JAZF1: variants seen among roughly 807,000 people sequenced by gnomAD.
The protein encoded by JAZF1 is juxtaposed with another zinc finger protein 1.
Under a neutral mutation model 26.4 loss-of-function variants are expected in JAZF1, and 8 were observed. The observed-to-expected ratio is 0.30, with a 90% confidence interval of 0.18 to 0.55. The LOEUF (loss-of-function observed/expected upper bound fraction) is 0.55. Among genes scored for constraint, JAZF1 ranks in the 20% least tolerant of loss-of-function variants. JAZF1 has a pLI of 0.94. For missense variants in JAZF1, 199 were observed against 322.0 expected, an observed-to-expected ratio of 0.62 and a Z score of 2.92; for synonymous variants, 126 against 122.3, an observed-to-expected ratio of 1.03 and a Z score of -0.20.
At chr7:27,921,211 G>A (rs543982375) in intron 2 of JAZF1, among the ~76,000 whole-genome samples, 1 of 152,328 alleles carries the variant, frequency 6.6e-6, no homozygotes, top group African/African-American at 2.4e-5. Context: ...CTCATGGTTG[G>A]TGGAAAACTC....
rs141502795 is a variant in JAZF1, at chr7:28,077,146, C to T, written c.116-85165G>A. On this transcript the variant is annotated intron_variant, in intron 1 of 4. Coordinates refer to ENST00000283928, the MANE Select transcript of JAZF1 (RefSeq NM_175061.4). ...TGAATGAAAAATTATAACACCGGCA[C>T]TTTACAATGGGAATGCTGACTAAAT... Among the ~76,000 whole-genome samples, 474 of 152,278 alleles carry T rather than the reference C, an allele frequency of 3.1e-3. 1 individual carries two copies. The highest frequency in any genetic ancestry group is 0.011 in the African/African-American group (449 of 41,552).
chr7:28,150,686 C>A (rs964839583), intron 1 of JAZF1, among the ~76,000 whole-genome samples: 1 of 152,166 alleles, frequency 6.6e-6, no homozygotes, highest in Admixed American at 6.5e-5. Flanking sequence ...AAGCCTCACA[C>A]GGGGGAGACA....
chr7:27,876,246 G>T (rs1023267390), intron 3 of JAZF1, among the ~76,000 whole-genome samples: 1 of 152,172 alleles, frequency 6.6e-6, no homozygotes, highest in Admixed American at 6.5e-5. Flanking sequence ...TCTTCAACCT[G>T]CTTCCAGAAC....
chr7:27,965,370 T>A (rs1247612585), intron 2 of JAZF1, among the ~76,000 whole-genome samples: 1 of 152,228 alleles, frequency 6.6e-6, no homozygotes, highest in African/African-American at 2.4e-5. Flanking sequence ...TATAGTCAAG[T>A]TGTCTCACAA....
chr7:27,930,833 T>A (rs75184211), intron 2 of JAZF1, among the ~76,000 whole-genome samples: 1,761 of 151,010 alleles, frequency 0.012, 16 homozygotes, highest in Non-Finnish European at 0.017. Context: ...CCATTTTTTT[T>A]AAAAAAAAAA....
intron 1 of JAZF1, among the ~76,000 whole-genome samples, chr7:28,123,362 C>T (rs1468627507): frequency 6.6e-6 from 1 of 152,198 alleles, no homozygotes; most frequent in Non-Finnish European, 1.5e-5. Flanking sequence ...GCAGGCCATG[C>T]CTTTCCTTTC....
intron 3 of JAZF1, among the ~76,000 whole-genome samples, chr7:27,882,501 T>C (rs1172638067): frequency 1.3e-5 from 2 of 152,238 alleles, no homozygotes; most frequent in East Asian, 3.9e-4. Context: ...TCTTTGTCCA[T>C]GGTCCCAGAA....
intron 1 of JAZF1, among the ~76,000 whole-genome samples, chr7:28,044,714 C>T (rs899891782): frequency 2.0e-5 from 3 of 152,094 alleles, no homozygotes; most frequent in Non-Finnish European, 4.4e-5. Context: ...TAATGAAAAA[C>T]GATGTCATTT....
At position 28,117,132 on chromosome 7, in the gene JAZF1, G is replaced by A. The variant is rs117862118; in HGVS notation, c.115+63331C>T. Among the ~76,000 whole-genome samples, 1,023 of 152,250 alleles carry A rather than the reference G, an allele frequency of 6.7e-3. 3 individuals carry two copies. The highest frequency in any genetic ancestry group is 0.01 in the Non-Finnish European group (714 of 68,016). Reference sequence around the variant, plus strand: ...ATTCATTTGTAGAAACTCTTTATATGGAGGTTAACTGTCCACTGCAAATAG... The same window carrying A: ...ATTCATTTGTAGAAACTCTTTATATAGAGGTTAACTGTCCACTGCAAATAG... On this transcript the variant is annotated intron_variant, in intron 1 of 4. Coordinates refer to ENST00000283928, the MANE Select transcript of JAZF1 (RefSeq NM_175061.4).
chr7:27,974,022 A>G (rs1321521173), intron 2 of JAZF1, among the ~76,000 whole-genome samples: 1 of 152,176 alleles, frequency 6.6e-6, no homozygotes, highest in Non-Finnish European at 1.5e-5. Flanking sequence ...GGGTGAGGAG[A>G]TGAGATGGTT....
intron 2 of JAZF1, among the ~76,000 whole-genome samples, chr7:27,987,305 C>T (rs550086192): frequency 2.4e-4 from 36 of 151,062 alleles, no homozygotes; most frequent in East Asian, 1.8e-3. Flanking sequence ...TGCCCGGCTG[C>T]GACCCCGTCT....
At chr7:28,142,917 T>G (rs1477957091) in intron 1 of JAZF1, among the ~76,000 whole-genome samples, 1 of 152,124 alleles carries the variant, frequency 6.6e-6, no homozygotes, top group Non-Finnish European at 1.5e-5. Flanking sequence ...GCCTAGAGCT[T>G]CTTCTGTGTT....
At chr7:27,901,321 T>C (rs1338722946) in intron 2 of JAZF1, among the ~76,000 whole-genome samples, 3 of 152,232 alleles carry the variant, frequency 2.0e-5, no homozygotes, top group African/African-American at 7.2e-5. Flanking sequence ...GACTCCATTA[T>C]AAATCTTTTA....
intron 3 of JAZF1, among the ~76,000 whole-genome samples, chr7:27,872,856 C>A (rs1212138017): frequency 6.6e-6 from 1 of 151,820 alleles, no homozygotes; most frequent in African/African-American, 2.4e-5. Flanking sequence ...TATCAGGAAA[C>A]AGGTCTGCAT....
intron 1 of JAZF1, among the ~76,000 whole-genome samples, chr7:28,123,602 T>C (rs1782639426): frequency 6.6e-6 from 1 of 152,256 alleles, no homozygotes; most frequent in South Asian, 2.1e-4. Flanking sequence ...ATGCCCATTG[T>C]GTGCTGGCCA....
intron 1 of JAZF1, among the ~76,000 whole-genome samples, chr7:28,042,800 CTAGAAGCAA>C (rs775637991): frequency 8.6e-5 from 13 of 151,994 alleles, no homozygotes; most frequent in Non-Finnish European, 1.6e-4. Context: ...GGTTTGTAGC[CTAGAAGCAA>C]TAGGCTATAG....
intron 1 of JAZF1, among the ~76,000 whole-genome samples, chr7:28,000,025 A>C (rs1160421844): frequency 6.6e-6 from 1 of 152,202 alleles, no homozygotes; most frequent in African/African-American, 2.4e-5. Flanking sequence ...CAGGTTTTGA[A>C]GGGAGTGAGC....
At chr7:27,867,910 G>A (rs1212116420) in intron 3 of JAZF1, among the ~76,000 whole-genome samples, 1 of 152,190 alleles carries the variant, frequency 6.6e-6, no homozygotes, top group African/African-American at 2.4e-5. Context: ...CAGTGACCCT[G>A]GCAATGCTTT....
intron 4 of JAZF1, among the ~76,000 whole-genome samples, chr7:27,839,784 G>A (rs1459881518): frequency 2.0e-5 from 3 of 152,154 alleles, no homozygotes; most frequent in Admixed American, 6.5e-5. Context: ...AGTGTTCAGA[G>A]ACACATATTT....
Sources: gnomAD v4.1 joint callset for allele counts (sites outside exome capture counted in the v4.1 genomes callset) on GRCh38, gnomAD v4.1.1 for gene constraint, MANE v1.5 for transcripts, NCBI Gene and HGNC (gene_info 2026-07-23, HGNC 2026-07-21) for gene names.